Variants in ARL13A observed in about 807,000 individuals in gnomAD.
ARL13A encodes the protein ARF like GTPase 13A.
Under a neutral mutation model 19.1 loss-of-function variants are expected in ARL13A, and 16 were observed. The observed-to-expected ratio is 0.84, with a 90% CI of 0.57 to 1.27. The LOEUF (loss-of-function observed/expected upper bound fraction) is 1.27, where lower values mean the gene tolerates loss of function less well. ARL13A is among the 50% of genes most tolerant of loss of function. The probability of loss-of-function intolerance (pLI) is 0.00; values close to 1 mark genes in which losing one functional copy is unlikely to be tolerated. For missense variants in ARL13A, 153 were observed against 186.4 expected, an observed-to-expected ratio of 0.82 and a Z score of 1.04; for synonymous variants, 69 against 71.3, an observed-to-expected ratio of 0.97 and a Z score of 0.17.
At chrX:100,977,404 G>A (rs1391457079) in intron 3 of ARL13A, among the ~76,000 whole-genome samples, 3 of 73,471 alleles carry the variant, frequency 4.1e-5, no homozygotes, top group East Asian at 9.8e-4. Flanking sequence ...TTTTTGAGAC[G>A]GAGTCTCGTT....
intron 3 of ARL13A, among the ~76,000 whole-genome samples, chrX:100,977,014 AT>A (rs1379310934): frequency 8.9e-6 from 1 of 112,535 alleles, no homozygotes; most frequent in Non-Finnish European, 1.9e-5. Context: ...CACACAAGCC[AT>A]TTTTTAGTGG....
chrX:100,987,253 T>C (rs2085948108), intron 5 of ARL13A, 137 bp from the exon 6 acceptor site: 1 of 582,444 alleles, frequency 1.7e-6, no homozygotes, highest in Non-Finnish European at 2.6e-6. Context: ...GCTGTGTGTC[T>C]CCTAGAAGTC....
rs758770125 is a variant in ARL13A at position 100,987,560 on chromosome X, C to T, written c.653+4C>T. The stretch of plus-strand genomic sequence containing the variant: ...GAGAAAGATGCTCATCACACAGGTA[C>T]TGAGATGCCGCTATGAGATTTGCTG... On this transcript the variant is annotated splice_donor_region_variant and intron_variant, in intron 6 of 7. Transcript: ENST00000450049. 4.1e-6 allele frequency: 5 copies of T among 1,207,462 alleles called. No individual in the cohort carries two copies. The Admixed American group carries it at 8.8e-5, about 21-fold the overall frequency.
intron 7 of ARL13A, among the ~76,000 whole-genome samples, chrX:100,988,740 C>A (rs2085971852): frequency 9.3e-6 from 1 of 106,988 alleles, no homozygotes; most frequent in Non-Finnish European, 1.9e-5. Context: ...CAGCATGATG[C>A]CCCAGCACTG....
Position 100,985,752 on chromosome X carries a change from G to A in ARL13A, c.216G>A (p.Leu72=). 1.7e-6 allele frequency: 2 copies of A among 1,211,373 alleles called. No homozygotes were observed. Among genetic ancestry groups the A allele is most frequent in the Non-Finnish European group, 2.2e-6 (2 of 895,307 alleles). Residue 72 remains leucine (L), a synonymous_variant, in exon 4 of 8, where the codon CTG becomes CTA. Transcript: ENST00000450049. ...LDEYELSIYD[L]NGDLKGREAW... ...AGTATGAACTTTCCATCTATGACCT[G>A]AATGGAGACCTGAAGGGCCGGGAAG...
intron 6 of ARL13A, among the ~76,000 whole-genome samples, 200 bp from the exon 7 acceptor site, chrX:100,987,993 A>G (rs1010986887): frequency 2.7e-5 from 3 of 111,990 alleles, no homozygotes; most frequent in African/African-American, 9.7e-5. Context: ...AGAGGACAGA[A>G]ATGTTGAAAA....
At chrX:100,971,014 T>A (rs2085643220) in intron 1 of ARL13A, among the ~76,000 whole-genome samples, 2 of 111,683 alleles carry the variant, frequency 1.8e-5, no homozygotes, top group Admixed American at 1.9e-4. Context: ...AAAACTTATA[T>A]ACAAATGTTT....
intron 3 of ARL13A, among the ~76,000 whole-genome samples, chrX:100,985,090 T>C (rs763503692): frequency 9.0e-6 from 1 of 111,672 alleles, no homozygotes; most frequent in African/African-American, 3.3e-5. Flanking sequence ...AAGATCAAAA[T>C]TGACATTTTA....
chrX:100,970,642 T>C (rs2085640739), intron 1 of ARL13A, among the ~76,000 whole-genome samples: 1 of 111,294 alleles, frequency 9.0e-6, no homozygotes, highest in African/African-American at 3.3e-5. Context: ...GCGAAACCCA[T>C]GTATATGAAA....
At chrX:100,975,641 T>C (rs1369912827) in intron 3 of ARL13A, among the ~76,000 whole-genome samples, 3 of 108,820 alleles carry the variant, frequency 2.8e-5, no homozygotes, top group Non-Finnish European at 5.7e-5. Flanking sequence ...CTTTTTTTTT[T>C]TTTTTCTCTG....
At chrX:100,978,163 C>G (rs2085797558) in intron 3 of ARL13A, among the ~76,000 whole-genome samples, 1 of 112,280 alleles carries the variant, frequency 8.9e-6, no homozygotes, top group Non-Finnish European at 1.9e-5. Flanking sequence ...GATCAATATG[C>G]TGAGGAGAAT....
chrX:100,985,688 A>T lies in ARL13A; in HGVS notation c.152A>T (p.His51Leu), dbSNP rs375350475. ...FQKLLPSKTD[H>L]CMKSELTTLL... is the part of the protein sequence containing the mutation. ...ACAGTACTTCCCAGTAAGACAGACC[A>T]TTGCATGAAATCGGAACTGACTACA... is the stretch of plus-strand genomic sequence containing the variant. The change falls in exon 4 of 8, where the codon CAT becomes CTT. Residue 51 changes from histidine to leucine, a missense_variant. Coordinates refer to ENST00000450049, the MANE Select transcript of ARL13A (RefSeq NM_001162491.2). 4.4e-5 allele frequency: 53 copies of T among 1,208,005 alleles called. No individual in the cohort carries two copies. In the African/African-American group the frequency reaches 9.0e-4, roughly 20 times the overall value.
At chrX:100,986,991 T>C (rs2147975533) in intron 5 of ARL13A, 90 bp downstream of exon 5, 1 of 575,613 alleles carries the variant, frequency 1.7e-6, no homozygotes, top group Non-Finnish European at 2.7e-6. Flanking sequence ...TATGTTGGGT[T>C]TGGGGCAAAG....
At chrX:100,989,608 CAAAA>C (rs200862950) in intron 7 of ARL13A, among the ~76,000 whole-genome samples, 2 of 57,327 alleles carry the variant, frequency 3.5e-5, no homozygotes. Flanking sequence ...GACTCCATCT[CAAAA>C]AAAAAAAAAA....
rs1283700855 is a variant in ARL13A at position 100,973,656 on chromosome X, TTCTTC to T, written c.-14-15_-14-11del. On this transcript the variant is annotated splice_polypyrimidine_tract_variant and intron_variant, in intron 1 of 7. Transcript: ENST00000450049. ...TAACAGGACTTACTTCTTATTTTCT[TTCTTC>T]TCTTAATATTTAAGAACTAAGATGA... is the stretch of plus-strand genomic sequence containing the variant. The T allele has an allele frequency of 8.3e-6, 10 of 1,198,224 alleles. No individual in the cohort carries two copies. Among genetic ancestry groups the T allele is most frequent in the Non-Finnish European group, 1.0e-5 (9 of 883,819 alleles).
intron 2 of ARL13A, 25 bp downstream of exon 2, chrX:100,973,773 G>A: frequency 2.5e-6 from 3 of 1,190,665 alleles, no homozygotes; most frequent in Non-Finnish European, 1.1e-6. Flanking sequence ...ATTTCCCTAG[G>A]CCTATTCCAC....
Position 100,990,750 on chromosome X carries a change from A to G in ARL13A, c.*162A>G, listed in dbSNP as rs1489787025. 2.1e-6 allele frequency: 1 copy of G among 468,060 alleles called. No homozygotes were observed. The highest frequency in any genetic ancestry group is 3.5e-6 in the Non-Finnish European group (1 of 285,675). 38.6% of individuals were successfully genotyped at this position (468,060 alleles called of 1,213,427 possible). A position where few individuals can be genotyped will look rare whatever the true frequency, so the allele number is the denominator to read the frequency against. ...ACTGAGCCTTAGAAATACAGGGTTCATTTAGAAATAAGTATTTTTTTCTTT... is the reference window on the plus strand; with the variant it reads ...ACTGAGCCTTAGAAATACAGGGTTCGTTTAGAAATAAGTATTTTTTTCTTT... On this transcript the variant is annotated 3_prime_UTR_variant, in exon 8 of 8. Coordinates refer to ENST00000450049, the MANE Select transcript of ARL13A (RefSeq NM_001162491.2).
intron 7 of ARL13A, 70 bp downstream of exon 7, chrX:100,988,353 C>G: frequency 8.3e-7 from 1 of 1,206,583 alleles, no homozygotes. Context: ...CTAACTTTCC[C>G]CCCCATCATC....
chrX:100,983,941 A>G (rs2085898418), intron 3 of ARL13A, among the ~76,000 whole-genome samples: 1 of 111,586 alleles, frequency 9.0e-6, no homozygotes, highest in South Asian at 3.7e-4. Flanking sequence ...ATCTAAGACT[A>G]CAAATAAGAA....
Sources: allele counts gnomAD v4.1 joint callset (sites outside exome capture counted in the v4.1 genomes callset), GRCh38; gene constraint gnomAD v4.1.1; transcripts MANE v1.5; gene names NCBI Gene and HGNC (gene_info 2026-07-23, HGNC 2026-07-21).